The following FBXL20 variants were observed in gnomAD, a reference collection of about 807,000 sequenced individuals.
FBXL20 encodes F-box/LRR-repeat protein 20.
Under a neutral mutation model 64.0 loss-of-function variants are expected in FBXL20, and 11 were observed. That is an observed-to-expected ratio of 0.17 (90% CI 0.11 to 0.28). FBXL20 has a LOEUF of 0.28. FBXL20 is among the 10% of genes least tolerant of loss of function. The pLI is 1.00. For missense variants in FBXL20, 303 were observed against 526.2 expected (o/e 0.58, Z 4.15); for synonymous variants, 184 against 189.0 (o/e 0.97, Z 0.22).
At chr17:39,279,334 C>T (rs1472629629) in intron 9 of FBXL20, among the ~76,000 whole-genome samples, 4 of 151,140 alleles carry the variant, frequency 2.6e-5, no homozygotes, top group African/African-American at 4.9e-5. Context: ...CCTATCTCTA[C>T]AAAAAAATTA....
At chr17:39,303,717 C>G (rs2144458018) in intron 2 of FBXL20, 78 bp from the exon 3 acceptor site, 2 of 1,310,216 alleles carry the variant, frequency 1.5e-6, no homozygotes, top group Non-Finnish European at 2.1e-6. Flanking sequence ...GACAGGGTCT[C>G]ACTCTGTCAG....
intron 14 of FBXL20, chr17:39,263,956 C>T (rs961836566): frequency 1.8e-5 from 8 of 453,736 alleles, no homozygotes; most frequent in Non-Finnish European, 2.8e-5. Context: ...AGGAGACCTA[C>T]TTTTCTTCCC....
chr17:39,355,978 A>G (rs148332944), intron 1 of FBXL20, among the ~76,000 whole-genome samples: 2,456 of 151,612 alleles, frequency 0.016, 71 homozygotes, highest in African/African-American at 0.056. Flanking sequence ...CACTTTGGGA[A>G]GCCAAGGTGG....
rs1251675748 is a variant in FBXL20 at position 39,350,489 on chromosome 17, G to GAAAACA, written c.43-7254_43-7249dup. Among the ~76,000 whole-genome samples the GAAAACA allele has an allele frequency of 5.6e-5, 5 of 89,790 alleles. 1 individual carries two copies. In the South Asian group the frequency reaches 1.6e-3, roughly 29 times the overall value. 58.9% of individuals were successfully genotyped at this position (89,790 alleles called of 152,430 possible). On this transcript the variant is annotated intron_variant, in intron 1 of 14. Transcript: ENST00000264658. ...GGGCAACAGAGCTAGACTCCTTCTC[G>GAAAACA]AAAACAAAAACAAAAACAAAAAAAG...
intron 1 of FBXL20, among the ~76,000 whole-genome samples, chr17:39,372,516 CAAAAAAAAAAAAAA>C (rs747264126): frequency 5.8e-4 from 24 of 41,162 alleles, no homozygotes; most frequent in African/African-American, 9.8e-4. Flanking sequence ...AGACTCTGAC[CAAAAAAAAAAAAAA>C]AAAAAAAAAA....
intron 2 of FBXL20, among the ~76,000 whole-genome samples, chr17:39,307,112 G>T (rs547103619): frequency 1.3e-5 from 2 of 152,292 alleles, no homozygotes; most frequent in South Asian, 4.1e-4. Context: ...CAGCTTGCCT[G>T]AAAGGAAAGA....
chr17:39,271,723 G>A (rs1010464665), intron 10 of FBXL20, among the ~76,000 whole-genome samples: 3 of 151,814 alleles, frequency 2.0e-5, no homozygotes, highest in African/African-American at 7.3e-5. Context: ...TGGAGGCCCA[G>A]TTGAGAGGGA....
intron 2 of FBXL20, among the ~76,000 whole-genome samples, chr17:39,324,615 C>G (rs2047392906): frequency 6.6e-6 from 1 of 152,246 alleles, no homozygotes; most frequent in South Asian, 2.1e-4. Flanking sequence ...AAAGAGGGAT[C>G]ACCTAACTAC....
chr17:39,349,324 C>CAAAAAAA (rs1170336581), intron 1 of FBXL20, among the ~76,000 whole-genome samples: 1 of 40,516 alleles, frequency 2.5e-5, no homozygotes, highest in Non-Finnish European at 4.1e-5. Flanking sequence ...GATTCCATCT[C>CAAAAAAA]AAAAAAAAAA....
intron 9 of FBXL20, among the ~76,000 whole-genome samples, chr17:39,278,102 G>A (rs371053518): frequency 1.3e-5 from 2 of 152,312 alleles, no homozygotes; most frequent in African/African-American, 4.8e-5. Context: ...TATAGAGTGT[G>A]TAAATATATG....
rs1018273284 is a variant in FBXL20, at chr17:39,268,888, C to T, written c.889-17G>A. On this transcript the variant is annotated splice_polypyrimidine_tract_variant and intron_variant, in intron 11 of 14. Coordinates refer to ENST00000264658, the MANE Select transcript of FBXL20 (RefSeq NM_032875.3). ...ATGGCAATTCTACAAAGTACAAAAA[C>T]AAACACAAACATTACAGTACAAACA... 2.7e-5 allele frequency: 43 copies of T among 1,610,422 alleles called. No individual in the cohort carries two copies. Among genetic ancestry groups the T allele is most frequent in the Non-Finnish European group, 3.7e-5 (43 of 1,177,268 alleles).
chr17:39,366,977 G>A (rs899273923), intron 1 of FBXL20, among the ~76,000 whole-genome samples: 2 of 151,332 alleles, frequency 1.3e-5, no homozygotes, highest in Admixed American at 6.6e-5. Flanking sequence ...TCTGCCCCTG[G>A]GTTCACGCTA....
rs2046724102 is a variant in FBXL20, at chr17:39,259,317, AAAAT to A, written c.*2139_*2142del. On this transcript the variant is annotated 3_prime_UTR_variant, in exon 15 of 15. Transcript: ENST00000264658. ...CATCTCTAAAAAAATAAAATAAAAT[AAAAT>A]AAATAAATAAAACAAGCCTTTTAAT... The A allele has an allele frequency of 6.6e-6, 1 of 152,026 alleles. No homozygotes were observed. Among genetic ancestry groups the A allele is most frequent in the African/African-American group, 2.4e-5 (1 of 41,398 alleles). 9.4% of individuals were successfully genotyped at this position (152,026 alleles called of 1,614,324 possible). A position where few individuals can be genotyped will look rare whatever the true frequency, so the allele number is the denominator to read the frequency against.
intron 1 of FBXL20, among the ~76,000 whole-genome samples, chr17:39,349,806 A>G (rs1266219148): frequency 3.9e-5 from 6 of 152,036 alleles, no homozygotes; most frequent in Middle Eastern, 3.4e-3. Context: ...CATGGTGGCT[A>G]GCGCTTGTAG....
chr17:39,296,440 G>C (rs924701259), intron 6 of FBXL20, among the ~76,000 whole-genome samples: 1 of 151,472 alleles, frequency 6.6e-6, no homozygotes, highest in Non-Finnish European at 1.5e-5. Flanking sequence ...CGTGCCTGTA[G>C]TCCCAGCTAC....
intron 2 of FBXL20, among the ~76,000 whole-genome samples, chr17:39,312,426 A>C (rs952033237): frequency 6.7e-6 from 1 of 150,092 alleles, no homozygotes; most frequent in Admixed American, 6.7e-5. Flanking sequence ...AAAAATAAAA[A>C]GTAGTAAGAA....
At chr17:39,334,638 C>A (rs1464871007) in intron 2 of FBXL20, among the ~76,000 whole-genome samples, 3 of 152,060 alleles carry the variant, frequency 2.0e-5, no homozygotes, top group Admixed American at 2.0e-4. Context: ...ATTTCATATT[C>A]TTTTTTACCT....
intron 1 of FBXL20, among the ~76,000 whole-genome samples, chr17:39,361,043 G>A (rs1262982696): frequency 1.3e-5 from 2 of 152,110 alleles, no homozygotes; most frequent in Non-Finnish European, 2.9e-5. Context: ...TGATCCTAAA[G>A]TCAGTGCCAC....
In FBXL20 at chr17:39,275,007, T is replaced by G; in HGVS notation, c.790A>C (p.Ile264Leu). ...ASGCSNITDA[I>L]LNALGQNCPR... ...CAGTTCTGACCTAGAGCATTCAGGA[T>G]GGCATCTGTGATGTTGGAGCAGCCA... is the stretch of plus-strand genomic sequence containing the variant. The change falls in exon 10 of 15, where the codon ATC becomes CTC. Residue 264 changes from isoleucine (I) to leucine (L), a missense_variant. By Grantham distance (5) the Ile-to-Leu change is conservative (BLOSUM62 2). Coordinates refer to ENST00000264658, the MANE Select transcript of FBXL20 (RefSeq NM_032875.3). 6.2e-7 allele frequency: 1 copy of G among 1,614,184 alleles called. No individual in the cohort carries two copies. Among genetic ancestry groups the G allele is most frequent in the Non-Finnish European group, 8.5e-7 (1 of 1,180,020 alleles).
Sources: allele counts gnomAD v4.1 joint callset (sites outside exome capture counted in the v4.1 genomes callset), GRCh38; gene constraint gnomAD v4.1.1; transcripts MANE v1.5; gene names NCBI Gene and HGNC (gene_info 2026-07-23, HGNC 2026-07-21).